Variants in DNAJC1 observed in about 807,000 individuals in gnomAD.
DNAJC1 encodes the protein DnaJ heat shock protein family (Hsp40) member C1.
In DNAJC1, 58 loss-of-function variants were observed where a neutral mutation model predicts 76.6. The observed-to-expected ratio is 0.76, with a 90% CI of 0.61 to 0.94. The LOEUF is 0.94. DNAJC1 is among the 40% of genes least tolerant of loss of function. The pLI is 0.00. For synonymous variants in DNAJC1, 258 were observed against 267.9 expected, an observed-to-expected ratio of 0.96 and a Z score of 0.36; for missense variants, 689 against 677.3, an observed-to-expected ratio of 1.02 and a Z score of -0.19.
At chr10:21,877,394 T>G (rs192462284) in intron 8 of DNAJC1, among the ~76,000 whole-genome samples, 1 of 151,468 alleles carries the variant, frequency 6.6e-6, no homozygotes, top group African/African-American at 2.4e-5. Context: ...AAGACACCAC[T>G]AAGAACAAAA....
At chr10:21,774,725 C>A (rs1423360463) in intron 9 of DNAJC1, among the ~76,000 whole-genome samples, 3 of 152,194 alleles carry the variant, frequency 2.0e-5, no homozygotes, top group Admixed American at 6.5e-5. Flanking sequence ...GATCCGCCTG[C>A]CTCAGTCTCC....
rs186444443 is a variant in DNAJC1, at chr10:21,761,908, T to A, written c.1148-2290A>T. 4.7e-3 allele frequency among the ~76,000 whole-genome samples: 716 copies of A among 152,292 alleles called. 2 individuals are homozygous for A. Among genetic ancestry groups the A allele is most frequent in the African/African-American group, 0.016 (680 of 41,562 alleles). On this transcript the variant is annotated intron_variant, in intron 10 of 11. Transcript: ENST00000376980. ...TAAAACATCTTTGAAAACACAATTT[T>A]TTTTTATTTTTATTTTTTGAGATGG...
intron 9 of DNAJC1, among the ~76,000 whole-genome samples, chr10:21,791,452 C>A (rs1834685868): frequency 6.6e-6 from 1 of 151,388 alleles, no homozygotes; most frequent in South Asian, 2.1e-4. Flanking sequence ...TTCTTCTCAT[C>A]AGCTCATGGA....
chr10:21,981,483 T>A (rs1838157411), intron 1 of DNAJC1, among the ~76,000 whole-genome samples: 1 of 152,128 alleles, frequency 6.6e-6, no homozygotes, highest in South Asian at 2.1e-4. Flanking sequence ...TAAGAATAGG[T>A]AACATTTAAA....
chr10:21,868,119 G>A (rs1397700028), intron 8 of DNAJC1, among the ~76,000 whole-genome samples: 3 of 127,962 alleles, frequency 2.3e-5, no homozygotes, highest in Non-Finnish European at 3.2e-5. Flanking sequence ...TGGAAACAAT[G>A]AAAATATTCT....
chr10:21,817,676 G>C (rs1835096630), intron 8 of DNAJC1, among the ~76,000 whole-genome samples: 1 of 152,200 alleles, frequency 6.6e-6, no homozygotes, highest in South Asian at 2.1e-4. Context: ...CAGGAAGTCA[G>C]GAACCCCAAA....
At chr10:21,775,527 C>T (rs1834443530) in intron 9 of DNAJC1, among the ~76,000 whole-genome samples, 1 of 151,872 alleles carries the variant, frequency 6.6e-6, no homozygotes, top group South Asian at 2.1e-4. Flanking sequence ...AGCTCAATGC[C>T]TAGGGTGACT....
intron 1 of DNAJC1, among the ~76,000 whole-genome samples, chr10:21,999,300 G>A (rs1355000915): frequency 6.6e-6 from 1 of 152,052 alleles, no homozygotes; most frequent in Non-Finnish European, 1.5e-5. Context: ...CATCTTATTT[G>A]AATCATCATC....
At chr10:21,841,149 C>A (rs1835568467) in intron 8 of DNAJC1, among the ~76,000 whole-genome samples, 1 of 152,072 alleles carries the variant, frequency 6.6e-6, no homozygotes, top group Non-Finnish European at 1.5e-5. Context: ...CCATAAAAAC[C>A]CTAGAAGAAA....
At chr10:21,772,400 A>G (rs1428878017) in intron 9 of DNAJC1, among the ~76,000 whole-genome samples, 1 of 144,100 alleles carries the variant, frequency 6.9e-6, no homozygotes. Context: ...CAACCTTTTT[A>G]CTAATTATAA....
At chr10:21,989,246 T>C (rs2131845299) in intron 1 of DNAJC1, among the ~76,000 whole-genome samples, 1 of 152,286 alleles carries the variant, frequency 6.6e-6, no homozygotes, top group Middle Eastern at 3.4e-3. Flanking sequence ...ATAAAATAAA[T>C]GTAGCTTTTA....
chr10:21,776,613 A>G (rs1834456437), intron 9 of DNAJC1, among the ~76,000 whole-genome samples: 1 of 151,748 alleles, frequency 6.6e-6, no homozygotes. Flanking sequence ...TTCTCCTCCT[A>G]AATAAGCCAC....
intron 8 of DNAJC1, among the ~76,000 whole-genome samples, chr10:21,829,795 G>A (rs1003123836): frequency 1.3e-5 from 2 of 152,118 alleles, no homozygotes; most frequent in African/African-American, 2.4e-5. Flanking sequence ...TATTGTGATT[G>A]AAATATTTGG....
intron 8 of DNAJC1, among the ~76,000 whole-genome samples, chr10:21,823,440 T>C (rs1225771975): frequency 1.3e-5 from 2 of 152,154 alleles, no homozygotes; most frequent in Admixed American, 1.3e-4. Flanking sequence ...TTACATAGGG[T>C]AGTTTAGTGT....
chr10:21,828,267 C>T (rs1835295265), intron 8 of DNAJC1, among the ~76,000 whole-genome samples: 2 of 152,190 alleles, frequency 1.3e-5, no homozygotes, highest in Admixed American at 1.3e-4. Flanking sequence ...ATGTGCCCAG[C>T]TAGGCACTAT....
intron 7 of DNAJC1, among the ~76,000 whole-genome samples, chr10:21,893,163 A>C (rs941640535): frequency 6.6e-6 from 1 of 152,214 alleles, no homozygotes; most frequent in African/African-American, 2.4e-5. Context: ...AATTTAACTC[A>C]TACAGAGTAT....
chr10:21,806,335 T>G (rs1188377971), intron 8 of DNAJC1, among the ~76,000 whole-genome samples: 9 of 152,128 alleles, frequency 5.9e-5, no homozygotes, highest in Non-Finnish European at 1.2e-4. Flanking sequence ...GTATACTAAC[T>G]AAGAAAGCAT....
At chr10:21,846,821 G>A (rs749350124) in intron 8 of DNAJC1, among the ~76,000 whole-genome samples, 11 of 150,224 alleles carry the variant, frequency 7.3e-5, no homozygotes, top group South Asian at 4.2e-4. Context: ...GTGTTGTCTC[G>A]TTTGTATTTC....
intron 9 of DNAJC1, among the ~76,000 whole-genome samples, chr10:21,798,772 C>A (rs1332041615): frequency 6.6e-6 from 1 of 152,200 alleles, no homozygotes; most frequent in African/African-American, 2.4e-5. Flanking sequence ...TTCTTTCTAG[C>A]CTGTTTCTCC....
Sources: allele counts gnomAD v4.1 joint callset (sites outside exome capture counted in the v4.1 genomes callset), GRCh38; gene constraint gnomAD v4.1.1; transcripts MANE v1.5; gene names NCBI Gene and HGNC (gene_info 2026-07-23, HGNC 2026-07-21).